The following RAB36 variants were observed in gnomAD, a reference collection of about 807,000 sequenced individuals.
The protein encoded by RAB36 is ras-related protein Rab-36.
Under a neutral mutation model 39.3 loss-of-function variants are expected in RAB36, and 33 were observed. The ratio of observed to expected loss-of-function variants is 0.84; its 90% CI spans 0.64 to 1.12. The LOEUF (loss-of-function observed/expected upper bound fraction) is 1.12. Ranked by LOEUF, RAB36 falls within the 50% of genes most tolerant of loss-of-function variation. The pLI is 0.00. For missense variants in RAB36, 308 were observed against 355.3 expected (o/e 0.87, Z 1.07); for synonymous variants, 133 against 140.2 (o/e 0.95, Z 0.36).
rs1462759286 is a variant in RAB36 at position 23,150,160 on chromosome 22, C to G, written c.161+6C>G. ...AGGAACACGGGGACTGTCGGGTGAG[C>G]CTGCAGGGTGTGGGATGGGGGAGCA... On this transcript the variant is annotated splice_donor_region_variant and intron_variant, in intron 3 of 10. Coordinates refer to ENST00000263116, the MANE Select transcript of RAB36 (RefSeq NM_004914.5). The G allele has an allele frequency of 6.2e-7, 1 of 1,606,066 alleles. No homozygotes were observed. The highest frequency in any genetic ancestry group is 8.5e-7 in the Non-Finnish European group (1 of 1,175,570).
intron 6 of RAB36, among the ~76,000 whole-genome samples, chr22:23,157,352 A>G (rs111543642): frequency 3.3e-5 from 5 of 151,612 alleles, no homozygotes; most frequent in Admixed American, 6.6e-5. Flanking sequence ...CCGCATTCAC[A>G]ACATTCTCCT....
chr22:23,151,984 G>A (rs1336190014), intron 3 of RAB36, among the ~76,000 whole-genome samples: 1 of 152,228 alleles, frequency 6.6e-6, no homozygotes, highest in Non-Finnish European at 1.5e-5. Context: ...CAAGAGGCCG[G>A]AGCCCACATC....
chr22:23,150,567 C>T (rs1046649692), intron 3 of RAB36, among the ~76,000 whole-genome samples: 4 of 152,122 alleles, frequency 2.6e-5, no homozygotes, highest in African/African-American at 9.7e-5. Context: ...TCCCAAAGTG[C>T]TGGGATTACA....
Position 23,161,792 on chromosome 22 carries a change from C to G in RAB36, c.*228C>G. ...CCCCACTGGCTGCCTGGGAGCCCCA[C>G]ACCACCGGGCCAGTGCAGGCACTGT... On this transcript the variant is annotated 3_prime_UTR_variant, in exon 11 of 11. Transcript: ENST00000263116. The G allele has an allele frequency of 1.8e-6, 1 of 547,772 alleles. No individual in the cohort carries two copies. The highest frequency in any genetic ancestry group is 2.0e-5 in the South Asian group (1 of 49,162). The allele number at this position is 547,772 out of a possible 1,614,324, so 33.9% of individuals were successfully genotyped here. A position where few individuals can be genotyped will look rare whatever the true frequency, so the allele number is the denominator to read the frequency against.
At chr22:23,168,266 T>C (rs1274159267), downstream of RAB36, among the ~76,000 whole-genome samples, 2 of 152,134 alleles carry the variant, frequency 1.3e-5, no homozygotes, top group Non-Finnish European at 2.9e-5. Flanking sequence ...GGCAGCTCCC[T>C]CCAGCTCTTG....
At chr22:23,145,730 C>T (rs1329987287) in intron 1 of RAB36, among the ~76,000 whole-genome samples, 179 bp downstream of exon 1, 1 of 152,262 alleles carries the variant, frequency 6.6e-6, no homozygotes, top group Non-Finnish European at 1.5e-5. Context: ...GGGCCAGGCC[C>T]GCGCTGGTTG....
intron 7 of RAB36, among the ~76,000 whole-genome samples, chr22:23,158,640 C>T (rs954381297): frequency 2.0e-5 from 3 of 152,172 alleles, no homozygotes; most frequent in Non-Finnish European, 2.9e-5. Flanking sequence ...AAGGTCTCAC[C>T]GGGAGAGGCC....
intron 3 of RAB36, 109 bp from the exon 4 acceptor site, chr22:23,152,352 G>T: frequency 1.8e-6 from 2 of 1,128,398 alleles, no homozygotes; most frequent in Non-Finnish European, 2.7e-6. Flanking sequence ...CTGTGTCCAG[G>T]AGTGAGGGGT....
At chr22:23,153,357 C>T (rs866133785) in intron 5 of RAB36, among the ~76,000 whole-genome samples, 3 of 152,120 alleles carry the variant, frequency 2.0e-5, no homozygotes, top group Non-Finnish European at 4.4e-5. Flanking sequence ...GGAAGGTGCT[C>T]ACAGCCTGAC....
chr22:23,167,658 A>G (rs2072073276), downstream of RAB36, among the ~76,000 whole-genome samples: 1 of 152,168 alleles, frequency 6.6e-6, no homozygotes, highest in Admixed American at 6.5e-5. Context: ...TGGACAGAGG[A>G]TCGGTTAAAT....
chr22:23,158,061 G>A lies in RAB36; in HGVS notation c.446+18G>A. 1 of 1,613,878 alleles carries A rather than the reference G, an allele frequency of 6.2e-7. No homozygotes were observed. Among genetic ancestry groups the A allele is most frequent in the South Asian group, 1.1e-5 (1 of 91,070 alleles). On this transcript the variant is annotated intron_variant, in intron 7 of 10. Coordinates refer to ENST00000263116, the MANE Select transcript of RAB36 (RefSeq NM_004914.5). ...CATACCAGGTAAGTCTGGGCTCTCT[G>A]GCCCCTGCAGTCTCCCTGGGCTCAG... is the stretch of plus-strand genomic sequence containing the variant.
At chr22:23,152,388 A>G (rs1158480068) in intron 3 of RAB36, 73 bp from the exon 4 acceptor site, 2 of 1,487,806 alleles carry the variant, frequency 1.3e-6, no homozygotes, top group Non-Finnish European at 1.9e-6. Flanking sequence ...AGCTCAGGGA[A>G]GGAAGGGGCT....
downstream of RAB36, among the ~76,000 whole-genome samples, chr22:23,168,312 A>T (rs1292926798): frequency 6.6e-6 from 1 of 152,096 alleles, no homozygotes; most frequent in African/African-American, 2.4e-5. Flanking sequence ...ACAGGTAGCC[A>T]AGGAATCCCA....
downstream of RAB36, among the ~76,000 whole-genome samples, chr22:23,167,668 T>C (rs6003532): frequency 1.2e-4 from 18 of 152,308 alleles, no homozygotes; most frequent in African/African-American, 4.3e-4. Flanking sequence ...ATCGGTTAAA[T>C]TGACACGTTC....
chr22:23,161,899 T>G lies in RAB36; in HGVS notation c.*335T>G, dbSNP rs190312077. 3.1e-6 allele frequency: 1 copy of G among 327,834 alleles called. No homozygotes were observed. Among genetic ancestry groups the G allele is most frequent in the East Asian group, 7.7e-5 (1 of 12,974 alleles). 20.3% of individuals were successfully genotyped at this position (327,834 alleles called of 1,614,324 possible). Reference sequence around the variant, plus strand: ...CTCAAGAGGCCTCAGAACTGCAAACTCCTGCGTCGGTCTATACTACTCGGC... The same window carrying G: ...CTCAAGAGGCCTCAGAACTGCAAACGCCTGCGTCGGTCTATACTACTCGGC... On this transcript the variant is annotated 3_prime_UTR_variant, in exon 11 of 11. Coordinates refer to ENST00000263116, the MANE Select transcript of RAB36 (RefSeq NM_004914.5).
At chr22:23,167,644 G>A (rs1317816391), downstream of RAB36, among the ~76,000 whole-genome samples, 6 of 152,298 alleles carry the variant, frequency 3.9e-5, no homozygotes, top group Admixed American at 3.9e-4. Context: ...ACTGAATACT[G>A]AAATGGACAG....
Position 23,152,918 on chromosome 22 carries a change from C to T in RAB36, c.228-115C>T, listed in dbSNP as rs751125810. 2.4e-5 allele frequency: 18 copies of T among 763,540 alleles called. 1 individual carries two copies. The African/African-American group carries it at 2.6e-4, about 11-fold the overall frequency. 47.3% of individuals were successfully genotyped at this position (763,540 alleles called of 1,614,324 possible). On this transcript the variant is annotated intron_variant, in intron 4 of 10. Coordinates refer to ENST00000263116, the MANE Select transcript of RAB36 (RefSeq NM_004914.5). ...CCCACCCATGGCCTGCGTGGACCAT[C>T]GCTTCCTGATGGGAAGTGGACCTTA...
At chr22:23,161,121 ACC>A (rs2071760744) in intron 10 of RAB36, 123 bp downstream of exon 10, 3 of 1,256,758 alleles carry the variant, frequency 2.4e-6, no homozygotes, top group Admixed American at 2.6e-5. Flanking sequence ...CTGTCCTTTG[ACC>A]CTCCTCTCAG....
rs750488131 is a variant in RAB36 at position 23,150,164 on chromosome 22, C to T, written c.161+10C>T. ...ACACGGGGACTGTCGGGTGAGCCTG[C>T]AGGGTGTGGGATGGGGGAGCAGGTG... is the stretch of plus-strand genomic sequence containing the variant. On this transcript the variant is annotated intron_variant, in intron 3 of 10. Coordinates refer to ENST00000263116, the MANE Select transcript of RAB36 (RefSeq NM_004914.5). 1.2e-6 allele frequency: 2 copies of T among 1,603,888 alleles called. No homozygotes were observed. Among genetic ancestry groups the T allele is most frequent in the Admixed American group, 1.7e-5 (1 of 59,158 alleles).
Sources: allele counts gnomAD v4.1 joint callset (sites outside exome capture counted in the v4.1 genomes callset), GRCh38; gene constraint gnomAD v4.1.1; transcripts MANE v1.5; gene names NCBI Gene and HGNC (gene_info 2026-07-23, HGNC 2026-07-21).